The following ELFN2 variants were observed in gnomAD, a reference collection of about 807,000 sequenced individuals.
ELFN2 encodes the protein extracellular leucine rich repeat and fibronectin type III domain containing 2.
ELFN2 carries 17 observed loss-of-function variants against 45.5 expected under a neutral mutation model. The observed-to-expected ratio is 0.37, with a 90% CI of 0.26 to 0.56. The LOEUF (loss-of-function observed/expected upper bound fraction) is 0.56. Ranked by LOEUF, ELFN2 falls within the 20% of genes least tolerant of loss-of-function variation. The pLI is 0.77. For missense variants in ELFN2, 922 were observed against 1,183.2 expected (o/e 0.78, Z 3.24); for synonymous variants, 550 against 551.5 (o/e 1.00, Z 0.04).
chr22:37,425,534 G>A (rs1447022027), intron 1 of ELFN2, among the ~76,000 whole-genome samples: 1 of 151,992 alleles, frequency 6.6e-6, no homozygotes, highest in Non-Finnish European at 1.5e-5. Flanking sequence ...CACTCTGGCT[G>A]GGGGGAGCAA....
chr22:37,391,286 T>C (rs990303233), intron 2 of ELFN2, among the ~76,000 whole-genome samples: 1 of 152,128 alleles, frequency 6.6e-6, no homozygotes, highest in Non-Finnish European at 1.5e-5. Flanking sequence ...CACAGCCTCA[T>C]AGAGGACAAA....
chr22:37,344,966 T>C (rs1393254884), intron 1 of ELFN2, among the ~76,000 whole-genome samples: 1 of 152,150 alleles, frequency 6.6e-6, no homozygotes, highest in East Asian at 1.9e-4. Context: ...TTCCCTGCTG[T>C]CAGCACCACT....
In ELFN2 at chr22:37,369,195, AC is replaced by A. The variant is rs1931290009; in HGVS notation, c.*3876del. 1 of 150,992 alleles carries A rather than the reference AC, an allele frequency of 6.6e-6. No homozygotes were observed. The highest frequency in any genetic ancestry group is 1.5e-5 in the Non-Finnish European group (1 of 67,776). The allele number at this position is 150,992 out of a possible 1,614,324, so 9.4% of individuals were successfully genotyped here. On this transcript the variant is annotated 3_prime_UTR_variant, in exon 3 of 3. Coordinates refer to ENST00000402918, the MANE Select transcript of ELFN2 (RefSeq NM_052906.5). ...CCTTTCCGTCTCTGCACTTCTGTTCACCCCGCTGTTACATTTCCAGGAGGGA... is the reference window on the plus strand; with the variant it reads ...CCTTTCCGTCTCTGCACTTCTGTTCACCCGCTGTTACATTTCCAGGAGGGA...
chr22:37,375,400 G>C lies in ELFN2; in HGVS notation c.135C>G (p.Pro45=), dbSNP rs768726348. 8.1e-6 allele frequency: 13 copies of C among 1,614,166 alleles called. No individual in the cohort carries two copies. Among genetic ancestry groups the C allele is most frequent in the Non-Finnish European group, 9.3e-6 (11 of 1,180,024 alleles). ...TGATGTGCTGCGGGATGGTCTCGTA[G>C]GGCGGCTGGTTCTGGCTGCAGATGG... The part of the protein sequence containing the change: ...WLAICSQNQP[P]YETIPQHINS... The change falls in exon 3 of 3, where the codon CCC becomes CCG. Residue 45 remains proline (P), a synonymous_variant. Transcript: ENST00000402918.
intron 2 of ELFN2, among the ~76,000 whole-genome samples, chr22:37,387,928 C>T (rs910762222): frequency 2.4e-4 from 37 of 152,042 alleles, no homozygotes; most frequent in African/African-American, 8.4e-4. Flanking sequence ...TCCACCTCCA[C>T]GGCTGGACTC....
At chr22:37,404,339 G>A (rs1396830254) in intron 2 of ELFN2, among the ~76,000 whole-genome samples, 3 of 152,132 alleles carry the variant, frequency 2.0e-5, no homozygotes, top group South Asian at 4.1e-4. Context: ...ACAGCAGGGT[G>A]GGCACATGAA....
intron 2 of ELFN2, among the ~76,000 whole-genome samples, chr22:37,407,439 C>T (rs979948006): frequency 2.0e-5 from 3 of 152,146 alleles, no homozygotes; most frequent in African/African-American, 7.2e-5. Context: ...CCTCACAGTG[C>T]TTTCACTGTG....
chr22:37,409,051 C>G (rs929884276), intron 2 of ELFN2, among the ~76,000 whole-genome samples: 18 of 152,222 alleles, frequency 1.2e-4, no homozygotes, highest in Non-Finnish European at 1.5e-5. Flanking sequence ...GAATCTCCAG[C>G]TTGGCCAAGG....
chr22:37,394,993 C>T (rs1353326931), intron 2 of ELFN2, among the ~76,000 whole-genome samples: 1 of 152,052 alleles, frequency 6.6e-6, no homozygotes, highest in African/African-American at 2.4e-5. Context: ...GTCCCAGCTA[C>T]TCGGGAGGCT....
chr22:37,406,597 G>A (rs941023868), intron 2 of ELFN2, among the ~76,000 whole-genome samples: 2 of 149,686 alleles, frequency 1.3e-5, no homozygotes, highest in Non-Finnish European at 3.0e-5. Context: ...CCCGTCCCCC[G>A]CTCTGCATCT....
At chr22:37,341,068 G>A (rs1930548082) in intron 2 of ELFN2, 1 of 152,496 alleles carries the variant, frequency 6.6e-6, no homozygotes, top group Non-Finnish European at 1.5e-5. Context: ...GAGGGATGGA[G>A]AGAAAGAGGG....
chr22:37,361,469 T>G (rs1467311771), intron 1 of ELFN2, among the ~76,000 whole-genome samples: 1 of 151,674 alleles, frequency 6.6e-6, no homozygotes, highest in African/African-American at 2.4e-5. Context: ...ACCTCCCCAG[T>G]CCCCGCAGGG....
intron 2 of ELFN2, among the ~76,000 whole-genome samples, chr22:37,405,363 G>A (rs1183761099): frequency 6.6e-6 from 1 of 152,000 alleles, no homozygotes. Flanking sequence ...AAAGTGCTGG[G>A]ATTACAGGCA....
rs1434467604 is a variant in ELFN2, at chr22:37,417,539, G to C, written c.-463+230C>G. ...GGCTTCCTGCCCACCCTCCCCAGTG[G>C]GCTTGTCTTAGCCCCCAACAGGCCT... On this transcript the variant is annotated intron_variant, in intron 2 of 2. Coordinates refer to ENST00000402918, the MANE Select transcript of ELFN2 (RefSeq NM_052906.5). This position sits in a 1 kb window ranked among gnomAD's most constrained non-coding sequence, Gnocchi z 4.5. Among the ~76,000 whole-genome samples the C allele has an allele frequency of 1.3e-5, 2 of 152,208 alleles. No homozygotes were observed.
intron 1 of ELFN2, among the ~76,000 whole-genome samples, chr22:37,344,500 C>T (rs1442631401): frequency 2.6e-5 from 4 of 151,960 alleles, no homozygotes; most frequent in African/African-American, 7.2e-5. Context: ...CACCCAGAGG[C>T]CCCCCTGCTG....
At position 37,375,447 on chromosome 22, in the gene ELFN2, C is replaced by T. The variant is rs770737478; in HGVS notation, c.88G>A (p.Asp30Asn). 5.0e-6 allele frequency: 8 copies of T among 1,612,748 alleles called. No homozygotes were observed. Among genetic ancestry groups the T allele is most frequent in the Admixed American group, 1.7e-5 (1 of 59,802 alleles). ...ATGGCCAGCCACACGTAGCCCTTGT[C>T]GCCCTCAATGAGCCAGCAGTCGGCA... Reference protein sequence around the residue: ...VRADCWLIEGDKGYVWLAICS... With the variant: ...VRADCWLIEGNKGYVWLAICS... The change falls in exon 3 of 3, where the codon GAC (aspartate) becomes AAC (asparagine). Residue 30 changes from aspartate (D) to asparagine (N), a missense_variant. Around this residue, in one of 2 missense-constraint regions of ELFN2, gnomAD observed 358 missense variants for 540.4 expected, o/e 0.66. Transcript: ENST00000402918.
chr22:37,366,655 G>A (rs1251424356), downstream of ELFN2, among the ~76,000 whole-genome samples: 4 of 152,368 alleles, frequency 2.6e-5, no homozygotes, highest in East Asian at 7.7e-4. Flanking sequence ...GAGCCTGTCA[G>A]GGCCCAGGCC....
Position 37,373,167 on chromosome 22 carries a change from G to T in ELFN2, c.2368C>A (p.His790Asn), listed in dbSNP as rs1250119525. The stretch of plus-strand genomic sequence containing the variant: ...AACTGGACCTTCTTGCGCAGGGCGT[G>T]ACCGGCGGCCATGTACACCTCCTCC... ...HREEVYMAAG[H>N]ALRKKVQFAK... The change falls in exon 3 of 3, where the codon CAC (histidine) becomes AAC (asparagine). Residue 790 changes from histidine to asparagine, a missense_variant. His to Asn is a moderately conservative substitution (Grantham distance 68, BLOSUM62 1). Around this residue, in one of 2 missense-constraint regions of ELFN2, gnomAD observed 564 missense variants for 642.8 expected, o/e 0.88. Transcript: ENST00000402918. 1 of 1,613,780 alleles carries T rather than the reference G, an allele frequency of 6.2e-7. No homozygotes were observed. The highest frequency in any genetic ancestry group is 1.1e-5 in the South Asian group (1 of 91,068).
chr22:37,397,848 G>A (rs1343866760), intron 2 of ELFN2, among the ~76,000 whole-genome samples: 2 of 152,286 alleles, frequency 1.3e-5, no homozygotes, highest in Admixed American at 1.3e-4. Context: ...GTGGGCACCC[G>A]GGAAAGAACA....
Sources: gnomAD v4.1 joint callset for allele counts (sites outside exome capture counted in the v4.1 genomes callset) on GRCh38, gnomAD v4.1.1 for gene constraint, gnomAD v4.1.1 regional missense constraint, Gnocchi (gnomAD v3.1) non-coding constraint, MANE v1.5 for transcripts, NCBI Gene and HGNC (gene_info 2026-07-23, HGNC 2026-07-21) for gene names.